Variants in MSRA observed in about 807,000 individuals in gnomAD.
MSRA encodes methionine sulfoxide reductase A.
Under a neutral mutation model 31.3 loss-of-function variants are expected in MSRA, and 54 were observed. That is an observed-to-expected ratio of 1.73 (90% CI 1.39 to 2.17). MSRA has a LOEUF of 2.17. Among genes scored for constraint, MSRA ranks in the 30% most tolerant of loss-of-function variants. The pLI is 0.00. For missense variants in MSRA, 507 were observed against 300.9 expected (o/e 1.69, Z -5.07); for synonymous variants, 169 against 116.5 (o/e 1.45, Z -2.90).
At chr8:10,255,191 A>G (rs1798112770) in intron 3 of MSRA, among the ~76,000 whole-genome samples, 2 of 152,236 alleles carry the variant, frequency 1.3e-5, no homozygotes, top group Non-Finnish European at 2.9e-5. Flanking sequence ...TGAAACACGC[A>G]GTAAAATGAG....
intron 5 of MSRA, among the ~76,000 whole-genome samples, chr8:10,356,909 A>AT (rs1006296251): frequency 3.9e-5 from 3 of 77,666 alleles, no homozygotes; most frequent in Non-Finnish European, 9.9e-5. Context: ...AAAAAAAAAA[A>AT]ATATATGTGT....
chr8:10,228,088 G>A (rs1357471756), intron 2 of MSRA, among the ~76,000 whole-genome samples: 1 of 152,146 alleles, frequency 6.6e-6, no homozygotes, highest in East Asian at 1.9e-4. Flanking sequence ...ATGGTGTCTG[G>A]GAATGTGTGT....
intron 1 of MSRA, among the ~76,000 whole-genome samples, chr8:10,172,103 G>T (rs562075345): frequency 6.6e-6 from 1 of 152,324 alleles, no homozygotes; most frequent in South Asian, 2.1e-4. Flanking sequence ...TGTAGCCGGG[G>T]TCAGGAATGG....
At chr8:10,406,057 C>T (rs1319318176) in intron 5 of MSRA, among the ~76,000 whole-genome samples, 3 of 152,244 alleles carry the variant, frequency 2.0e-5, no homozygotes, top group African/African-American at 7.2e-5. Context: ...CTGATGGGGT[C>T]AGAACCCATT....
chr8:10,135,809 T>A (rs1802229473), intron 1 of MSRA, among the ~76,000 whole-genome samples: 1 of 152,198 alleles, frequency 6.6e-6, no homozygotes, highest in African/African-American at 2.4e-5. Context: ...GTTCTGGAAT[T>A]TTGTTGAGAC....
chr8:10,280,907 C>A (rs1034530403), intron 3 of MSRA, among the ~76,000 whole-genome samples: 1 of 152,320 alleles, frequency 6.6e-6, no homozygotes, highest in Middle Eastern at 3.4e-3. Flanking sequence ...TCGCAAAAAA[C>A]CATAGAGTGT....
At chr8:10,124,609 T>C (rs1008686652) in intron 1 of MSRA, among the ~76,000 whole-genome samples, 1 of 152,222 alleles carries the variant, frequency 6.6e-6, no homozygotes, top group African/African-American at 2.4e-5. Flanking sequence ...AGTCAGTAAA[T>C]AGAACAGGAT....
At chr8:10,208,802 A>G (rs1204058169) in intron 2 of MSRA, among the ~76,000 whole-genome samples, 1 of 152,056 alleles carries the variant, frequency 6.6e-6, no homozygotes, top group Non-Finnish European at 1.5e-5. Context: ...CCCTGATTTC[A>G]CGCCTCCCGT....
chr8:10,335,402 G>C (rs1802978817), intron 5 of MSRA, among the ~76,000 whole-genome samples: 1 of 151,972 alleles, frequency 6.6e-6, no homozygotes, highest in Admixed American at 6.5e-5. Flanking sequence ...CCAAAGCCGC[G>C]AGGACAGCAC....
intron 1 of MSRA, among the ~76,000 whole-genome samples, chr8:10,081,036 G>T (rs1477177255): frequency 6.6e-6 from 1 of 152,236 alleles, no homozygotes; most frequent in Non-Finnish European, 1.5e-5. Flanking sequence ...GCCTGGGCAG[G>T]ATGTCACAAC....
At chr8:10,230,642 C>T (rs1017699219) in intron 2 of MSRA, among the ~76,000 whole-genome samples, 2 of 152,162 alleles carry the variant, frequency 1.3e-5, no homozygotes, top group Non-Finnish European at 2.9e-5. Context: ...CTTCTTTTGA[C>T]AGTTGGAATA....
At chr8:10,342,916 C>G (rs1418596539) in intron 5 of MSRA, among the ~76,000 whole-genome samples, 1 of 152,128 alleles carries the variant, frequency 6.6e-6, no homozygotes, top group Non-Finnish European at 1.5e-5. Context: ...CCTGAGCGTT[C>G]TCATACATAA....
In MSRA at chr8:10,229,057, C is replaced by G. The variant is rs1585221041; in HGVS notation, c.212-16047C>G. On this transcript the variant is annotated intron_variant, in intron 2 of 5. Transcript: ENST00000317173. The stretch of plus-strand genomic sequence containing the variant: ...TTATCATTTCCTTCCACAGAGCCAT[C>G]AGATCATTCTATGACCAAGTGAGAT... Among the ~76,000 whole-genome samples, 4 of 152,180 alleles carry G rather than the reference C, an allele frequency of 2.6e-5. No homozygotes were observed. The East Asian group carries it at 7.7e-4, about 29-fold the overall frequency.
chr8:10,210,091 G>A (rs1271640640), intron 2 of MSRA, among the ~76,000 whole-genome samples: 2 of 152,118 alleles, frequency 1.3e-5, no homozygotes, highest in Non-Finnish European at 2.9e-5. Context: ...TTTTGAGGGT[G>A]GACTTCTGCC....
At chr8:10,177,230 G>A (rs978820679) in intron 1 of MSRA, among the ~76,000 whole-genome samples, 2 of 152,150 alleles carry the variant, frequency 1.3e-5, no homozygotes, top group Non-Finnish European at 2.9e-5. Flanking sequence ...ACAGAATTCA[G>A]GACAGACAGG....
At chr8:10,251,871 G>GC (rs896998573) in intron 3 of MSRA, among the ~76,000 whole-genome samples, 1 of 151,932 alleles carries the variant, frequency 6.6e-6, no homozygotes, top group Admixed American at 6.6e-5. Context: ...TGGGGGGGGG[G>GC]GGACATAGGT....
chr8:10,407,269 C>T (rs1807877579), intron 5 of MSRA, among the ~76,000 whole-genome samples: 1 of 152,322 alleles, frequency 6.6e-6, no homozygotes, highest in Middle Eastern at 3.4e-3. Context: ...CGCCCACGTT[C>T]TCACCATCAG....
At chr8:10,324,447 C>T (rs11249988) in intron 5 of MSRA, among the ~76,000 whole-genome samples, 116,567 of 151,600 alleles carry the variant, frequency 0.77, 46,015 homozygotes, top group Non-Finnish European at 0.87. Flanking sequence ...GGGACGGCCA[C>T]GGAACATGGG....
intron 1 of MSRA, among the ~76,000 whole-genome samples, chr8:10,197,327 G>A (rs970651955): frequency 2.0e-5 from 3 of 152,148 alleles, no homozygotes; most frequent in Admixed American, 6.5e-5. Flanking sequence ...AGGTGAAAAT[G>A]GATTTCTTCT....
Sources: allele counts gnomAD v4.1 joint callset (sites outside exome capture counted in the v4.1 genomes callset), GRCh38; gene constraint gnomAD v4.1.1; transcripts MANE v1.5; gene names NCBI Gene and HGNC (gene_info 2026-07-23, HGNC 2026-07-21).